The following DPP10 variants were observed in gnomAD, a reference collection of about 807,000 sequenced individuals.
DPP10 encodes dipeptidyl peptidase like 10.
In DPP10, 33 loss-of-function variants were observed where a neutral mutation model predicts 120.9. That is an observed-to-expected ratio of 0.27 (90% CI 0.21 to 0.37). The LOEUF (loss-of-function observed/expected upper bound fraction) is 0.37. Ranked by LOEUF, DPP10 falls within the 10% of genes least tolerant of loss-of-function variation. The probability of loss-of-function intolerance (pLI) is 1.00; values close to 1 mark genes in which losing one functional copy is unlikely to be tolerated. For synonymous variants in DPP10, 337 were observed against 326.1 expected (o/e 1.03, Z -0.36); for missense variants, 816 against 942.8 (o/e 0.87, Z 1.76).
At chr2:115,453,344 AAATT>A (rs1409071285) in intron 3 of DPP10, among the ~76,000 whole-genome samples, 1 of 151,468 alleles carries the variant, frequency 6.6e-6, no homozygotes, top group African/African-American at 2.4e-5. Flanking sequence ...ATTATTCTAT[AAATT>A]AGAAAATTTT....
At chr2:114,980,113 T>C (rs56175687) in intron 1 of DPP10, among the ~76,000 whole-genome samples, 17,845 of 152,094 alleles carry the variant, frequency 0.12, 1,152 homozygotes, top group Non-Finnish European at 0.13. Context: ...TATCAATGTA[T>C]AACTGACAAA....
chr2:115,412,986 A>G (rs2069080434), intron 3 of DPP10, among the ~76,000 whole-genome samples: 1 of 152,176 alleles, frequency 6.6e-6, no homozygotes, highest in African/African-American at 2.4e-5. Context: ...AAATACTAAT[A>G]TTATCAAGTG....
chr2:114,461,502 AT>A, intron 1 of DPP10: 1 of 864,972 alleles, frequency 1.2e-6, no homozygotes. Context: ...CCCTCAACCA[AT>A]TAGCCTCTCC....
chr2:115,508,188 A>G (rs1044297462), intron 4 of DPP10, among the ~76,000 whole-genome samples: 2 of 152,174 alleles, frequency 1.3e-5, no homozygotes, highest in Non-Finnish European at 2.9e-5. Flanking sequence ...AAATTAACAA[A>G]TTTATAATAA....
At chr2:114,621,895 C>T (rs779527162) in intron 1 of DPP10, among the ~76,000 whole-genome samples, 1 of 151,680 alleles carries the variant, frequency 6.6e-6, no homozygotes, top group Non-Finnish European at 1.5e-5. Flanking sequence ...AAGTGCCTGT[C>T]TTATTCTGGG....
In DPP10 at chr2:115,844,420, A is replaced by G. The variant is rs1436620211; in HGVS notation, c.*2075A>G. On this transcript the variant is annotated 3_prime_UTR_variant, in exon 26 of 26. Transcript: ENST00000410059. ...TTATCTATTTTTCAATTAATTTAAT[A>G]CAGTTTCTAATGTGAAAGACATTTT... The G allele has an allele frequency of 6.6e-6, 1 of 152,576 alleles. No homozygotes were observed. The highest frequency in any genetic ancestry group is 6.6e-5 in the Admixed American group (1 of 15,264). 9.5% of individuals were successfully genotyped at this position (152,576 alleles called of 1,614,324 possible). A position where few individuals can be genotyped will look rare whatever the true frequency, so the allele number is the denominator to read the frequency against.
intron 1 of DPP10, among the ~76,000 whole-genome samples, chr2:115,273,252 C>G (rs2059773922): frequency 6.6e-6 from 1 of 152,146 alleles, no homozygotes; most frequent in African/African-American, 2.4e-5. Context: ...TCAAAACATG[C>G]ACTTGAAGGT....
At chr2:114,829,447 G>C (rs1434393765) in intron 1 of DPP10, among the ~76,000 whole-genome samples, 1 of 147,142 alleles carries the variant, frequency 6.8e-6, no homozygotes, top group African/African-American at 2.5e-5. Flanking sequence ...GCAATGGCAA[G>C]ACCTCGGCTC....
chr2:114,605,954 A>G (rs554196230), intron 1 of DPP10, among the ~76,000 whole-genome samples: 184 of 152,192 alleles, frequency 1.2e-3, no homozygotes, highest in African/African-American at 4.2e-3. Flanking sequence ...TAAGTGGGTA[A>G]CTTGCCTGTT....
chr2:115,735,580 G>T (rs2093017212), intron 8 of DPP10, among the ~76,000 whole-genome samples: 2 of 151,226 alleles, frequency 1.3e-5, no homozygotes, highest in South Asian at 2.1e-4. Flanking sequence ...GAGTGCAGTG[G>T]CACGATCCCG....
intron 1 of DPP10, among the ~76,000 whole-genome samples, chr2:114,667,967 C>A (rs1011810647): frequency 4.6e-5 from 7 of 152,004 alleles, no homozygotes; most frequent in African/African-American, 1.7e-4. Flanking sequence ...TCCTTTGTAT[C>A]TTTAGGTCAG....
intron 1 of DPP10, among the ~76,000 whole-genome samples, chr2:114,640,837 C>G (rs1348611355): frequency 2.0e-5 from 3 of 151,916 alleles, no homozygotes; most frequent in Admixed American, 6.5e-5. Context: ...GTTTGCCAGA[C>G]AGCAAGTCAA....
intron 1 of DPP10, among the ~76,000 whole-genome samples, chr2:114,814,770 T>C (rs1229033290): frequency 6.6e-6 from 1 of 152,234 alleles, no homozygotes; most frequent in Non-Finnish European, 1.5e-5. Context: ...GCCTTCTTTA[T>C]TGTTTCTTCT....
chr2:114,603,217 A>G (rs549683839), intron 1 of DPP10, among the ~76,000 whole-genome samples: 3 of 152,092 alleles, frequency 2.0e-5, no homozygotes, highest in Non-Finnish European at 1.5e-5. Context: ...CTTAACATGC[A>G]TATCTCATTT....
At chr2:114,624,947 T>G (rs1277702391) in intron 1 of DPP10, among the ~76,000 whole-genome samples, 1 of 151,960 alleles carries the variant, frequency 6.6e-6, no homozygotes, top group Non-Finnish European at 1.5e-5. Context: ...AACTATTAAT[T>G]CATTTGTAAA....
rs1178410248 is a variant in DPP10, at chr2:115,672,666, T to TTCTCTCTCTCTCTCTC, written c.442-17014_442-17013insCTCTCTCTCTCTCTCT. Among the ~76,000 whole-genome samples, 129 of 130,114 alleles carry TTCTCTCTCTCTCTCTC rather than the reference T, an allele frequency of 9.9e-4. 1 individual carries two copies. The highest frequency in any genetic ancestry group is 4.0e-3 in the African/African-American group (125 of 31,344). 85.4% of individuals were successfully genotyped at this position (130,114 alleles called of 152,430 possible). A position where few individuals can be genotyped will look rare whatever the true frequency, so the allele number is the denominator to read the frequency against. On this transcript the variant is annotated intron_variant, in intron 5 of 25. Transcript: ENST00000410059. ...TTTCTCTCTCTCTTTCTTTCTTTCTTTCTCTCTTTCTTTCTCTTTCTTTCT... is the reference window on the plus strand; with the variant it reads ...TTTCTCTCTCTCTTTCTTTCTTTCTTTCTCTCTCTCTCTCTCTCTCTCTTTCTTTCTCTTTCTTTCT...
At chr2:115,128,700 T>G (rs3924930) in intron 1 of DPP10, among the ~76,000 whole-genome samples, 17,251 of 152,226 alleles carry the variant, frequency 0.11, 1,316 homozygotes, top group East Asian at 0.3. Flanking sequence ...AGCATCAAAC[T>G]GACAATTGTC....
At chr2:114,638,290 C>T (rs1238808946) in intron 1 of DPP10, among the ~76,000 whole-genome samples, 6 of 151,462 alleles carry the variant, frequency 4.0e-5, no homozygotes, top group South Asian at 2.1e-4. Context: ...GAACATTATT[C>T]GTCTAAAGAA....
intron 4 of DPP10, among the ~76,000 whole-genome samples, chr2:115,511,073 G>A (rs546466584): frequency 1.3e-4 from 20 of 151,994 alleles, no homozygotes; most frequent in Non-Finnish European, 2.9e-4. Context: ...TTCCAACTAT[G>A]TCTTTGTCTG....
Sources: allele counts gnomAD v4.1 joint callset (sites outside exome capture counted in the v4.1 genomes callset), GRCh38; gene constraint gnomAD v4.1.1; transcripts MANE v1.5; gene names NCBI Gene and HGNC (gene_info 2026-07-23, HGNC 2026-07-21).